Variants in CCL28 observed in about 807,000 individuals in gnomAD.
The protein encoded by CCL28 is C-C motif chemokine ligand 28.
A neutral mutation model predicts 7.1 loss-of-function variants in CCL28; 4 were observed. That is an observed-to-expected ratio of 0.56 (90% CI 0.28 to 1.29). The LOEUF is 1.29. Ranked by LOEUF, CCL28 falls within the 50% of genes most tolerant of loss-of-function variation. The pLI is 0.11. For missense variants in CCL28, 151 were observed against 163.4 expected (o/e 0.92, Z 0.41); for synonymous variants, 55 against 57.8 (o/e 0.95, Z 0.22).
Position 43,382,303 on chromosome 5 carries a change from GAGA to G in CCL28, c.192-254_192-252del, listed in dbSNP as rs568298334. On this transcript the variant is annotated intron_variant, in intron 2 of 2. Transcript: ENST00000361115. ...CAGAGAGTATTAAAAGAAAGAGAAG[GAGA>G]AGAAGGAATTGGATGAGGAAGAGAA... 2.2e-4 allele frequency among the ~76,000 whole-genome samples: 34 copies of G among 152,176 alleles called. 1 individual carries two copies. Among genetic ancestry groups the G allele is most frequent in the African/African-American group, 7.7e-4 (32 of 41,510 alleles).
the CCL28 span, among the ~76,000 whole-genome samples, chr5:43,369,685 A>T: frequency 1.3e-5 from 2 of 152,098 alleles, no homozygotes; most frequent in Non-Finnish European, 2.9e-5. Context: ...TGGCTTCCCA[A>T]CATCCTCCTG....
the CCL28 span, among the ~76,000 whole-genome samples, chr5:43,363,056 C>G: frequency 3.1e-3 from 467 of 152,278 alleles, no homozygotes; most frequent in Middle Eastern, 0.01. Flanking sequence ...ATCAGTTTAC[C>G]TTTATTTACA....
chr5:43,362,597 G>A, the CCL28 span, among the ~76,000 whole-genome samples: 1 of 152,124 alleles, frequency 6.6e-6, no homozygotes, highest in East Asian at 1.9e-4. Context: ...ATGCAAGATT[G>A]TTAAAACTAA....
rs1300688122 is a variant in CCL28, at chr5:43,381,757, T to A, written c.*103A>T. The A allele has an allele frequency of 5.2e-6, 5 of 966,568 alleles. No homozygotes were observed. Among genetic ancestry groups the A allele is most frequent in the Non-Finnish European group, 7.8e-6 (5 of 642,006 alleles). 59.9% of individuals were successfully genotyped at this position (966,568 alleles called of 1,614,324 possible). ...TTTTTTAAAAACCAATATTTTGTTT[T>A]GTTCTGTTGTCTACAATAAGGAGAA... On this transcript the variant is annotated 3_prime_UTR_variant, in exon 3 of 3. Coordinates refer to ENST00000361115, the MANE Select transcript of CCL28 (RefSeq NM_148672.3).
downstream of CCL28, among the ~76,000 whole-genome samples, chr5:43,375,241 G>A (rs984899167): frequency 2.6e-5 from 4 of 151,124 alleles, no homozygotes; most frequent in African/African-American, 4.9e-5. Context: ...CACCCACCAC[G>A]GTCTCCCAAA....
intron 1 of CCL28, among the ~76,000 whole-genome samples, chr5:43,409,676 G>C (rs1360450206): frequency 1.3e-5 from 2 of 152,154 alleles, no homozygotes; most frequent in Non-Finnish European, 2.9e-5. Flanking sequence ...TGTACTCTGA[G>C]AAAGAAGGTT....
At chr5:43,400,477 G>A (rs900190278) in intron 1 of CCL28, among the ~76,000 whole-genome samples, 24 of 152,144 alleles carry the variant, frequency 1.6e-4, no homozygotes, top group African/African-American at 4.8e-4. Context: ...GATCCACTGC[G>A]CCTGGCAGAT....
At chr5:43,402,018 G>A (rs563631447) in intron 1 of CCL28, among the ~76,000 whole-genome samples, 2 of 152,270 alleles carry the variant, frequency 1.3e-5, no homozygotes, top group African/African-American at 4.8e-5. Flanking sequence ...CTACAGGCAG[G>A]TTTGTAGCCC....
chr5:43,384,250 T>C (rs1244699489), intron 2 of CCL28, among the ~76,000 whole-genome samples: 1 of 151,964 alleles, frequency 6.6e-6, no homozygotes, highest in Non-Finnish European at 1.5e-5. Context: ...GGAAGAGATA[T>C]AGACAGAGGA....
At chr5:43,395,300 G>A (rs1263988940) in intron 1 of CCL28, among the ~76,000 whole-genome samples, 1 of 151,682 alleles carries the variant, frequency 6.6e-6, no homozygotes, top group Non-Finnish European at 1.5e-5. Context: ...AAGTGTCATA[G>A]CTTTATCTCA....
At chr5:43,368,811 G>C in the CCL28 span, among the ~76,000 whole-genome samples, 1 of 152,038 alleles carries the variant, frequency 6.6e-6, no homozygotes, top group Non-Finnish European at 1.5e-5. Context: ...AGAGAGGTGT[G>C]GGACAGAACC....
At chr5:43,388,665 G>T (rs1321100921) in intron 1 of CCL28, among the ~76,000 whole-genome samples, 189 bp from the exon 2 acceptor site, 2 of 152,164 alleles carry the variant, frequency 1.3e-5, no homozygotes, top group African/African-American at 4.8e-5. Flanking sequence ...TTGTGAAAGA[G>T]AAAATGTAAA....
At chr5:43,408,506 G>C (rs1187217491) in intron 1 of CCL28, among the ~76,000 whole-genome samples, 1 of 152,294 alleles carries the variant, frequency 6.6e-6, no homozygotes, top group African/African-American at 2.4e-5. Flanking sequence ...GGGGGAGCGG[G>C]GAGGGATAGC....
chr5:43,375,823 G>A (rs1384516675), downstream of CCL28, among the ~76,000 whole-genome samples: 1 of 152,012 alleles, frequency 6.6e-6, no homozygotes, highest in Admixed American at 6.6e-5. Context: ...GTGTGTGCCT[G>A]TAATGCCAAC....
At chr5:43,369,036 A>AAGAGAGAAAGAG in the CCL28 span, among the ~76,000 whole-genome samples, 1 of 104,458 alleles carries the variant, frequency 9.6e-6, no homozygotes, top group Non-Finnish European at 1.9e-5. Context: ...GAAAGAGAGA[A>AAGAGAGAAAGAG]AGAGAGAGAG....
intron 1 of CCL28, among the ~76,000 whole-genome samples, chr5:43,406,942 A>G (rs1044993518): frequency 1.3e-5 from 2 of 152,360 alleles, no homozygotes; most frequent in Non-Finnish European, 1.5e-5. Flanking sequence ...AAGGGATGTG[A>G]AGGACCTCTT....
rs969568346 is a variant in CCL28 at position 43,408,169 on chromosome 5, G to T, written c.64+4084C>A. Among the ~76,000 whole-genome samples, 31 of 152,306 alleles carry T rather than the reference G, an allele frequency of 2.0e-4. 1 individual carries two copies. The highest frequency in any genetic ancestry group is 6.2e-4 in the South Asian group (3 of 4,830). On this transcript the variant is annotated intron_variant, in intron 1 of 2. Coordinates refer to ENST00000361115, the MANE Select transcript of CCL28 (RefSeq NM_148672.3). ...TACCCAAAGGATTATAAATCATGCTGCTATAAAGACACATGCACATGTATG... is the reference window on the plus strand; with the variant it reads ...TACCCAAAGGATTATAAATCATGCTTCTATAAAGACACATGCACATGTATG...
At chr5:43,402,569 C>T (rs1037333719) in intron 1 of CCL28, among the ~76,000 whole-genome samples, 2 of 152,192 alleles carry the variant, frequency 1.3e-5, no homozygotes, top group Non-Finnish European at 2.9e-5. Flanking sequence ...CGAATAGGAA[C>T]AGCTCCAGTC....
intron 1 of CCL28, chr5:43,396,981 G>C (rs988533078): frequency 3.9e-5 from 6 of 152,278 alleles, no homozygotes; most frequent in Non-Finnish European, 7.3e-5. Context: ...CCTGGGCGAC[G>C]TCCAGCCGCC....
Sources: allele counts gnomAD v4.1 joint callset (sites outside exome capture counted in the v4.1 genomes callset), GRCh38; gene constraint gnomAD v4.1.1; transcripts MANE v1.5; gene names NCBI Gene and HGNC (gene_info 2026-07-23, HGNC 2026-07-21).